Variants in GALNT9 observed in about 807,000 individuals in gnomAD.
GALNT9 encodes the protein GalNAc transferase 9.
A neutral mutation model predicts 63.1 loss-of-function variants in GALNT9; 47 were observed. The observed-to-expected ratio is 0.75, with a 90% CI of 0.59 to 0.95. The LOEUF is 0.95. Ranked by LOEUF, GALNT9 falls within the 40% of genes least tolerant of loss-of-function variation. The pLI is 0.00. For missense variants in GALNT9, 829 were observed against 874.8 expected (o/e 0.95, Z 0.66); for synonymous variants, 396 against 365.7 (o/e 1.08, Z -0.94).
intron 6 of GALNT9, among the ~76,000 whole-genome samples, chr12:132,241,271 G>A (rs1347653551): frequency 2.5e-4 from 9 of 36,612 alleles, no homozygotes; most frequent in African/African-American, 7.7e-4. Context: ...CCTTCCCGGG[G>A]CCCTCCCTAT....
intron 8 of GALNT9, 192 bp downstream of exon 8, chr12:132,200,932 C>T (rs989174728): frequency 1.7e-6 from 1 of 588,324 alleles, no homozygotes; most frequent in Non-Finnish European, 3.0e-6. Flanking sequence ...GATGTGCCTG[C>T]ATCACCGTGA....
At chr12:132,217,175 C>T (rs113521183) in intron 6 of GALNT9, among the ~76,000 whole-genome samples, 3,924 of 152,158 alleles carry the variant, frequency 0.026, 170 homozygotes, top group African/African-American at 0.089. Context: ...TCTATCCACC[C>T]ATCCACGCGG....
chr12:132,305,363 A>G (rs782196364), intron 1 of GALNT9, among the ~76,000 whole-genome samples: 9 of 32,726 alleles, frequency 2.8e-4, no homozygotes, highest in Admixed American at 3.5e-4. Context: ...GCACACCCTC[A>G]CCCGGGCACA....
At position 132,238,646 on chromosome 12, in the gene GALNT9, C is replaced by G. The variant is rs1555236556; in HGVS notation, c.1077+9264G>C. Reference sequence around the variant, plus strand: ...AAGGTGGGCAGGCCTGAGTGTGAGTCTCACATCCATCTGCTGCGTGGCCCT... The same window carrying G: ...AAGGTGGGCAGGCCTGAGTGTGAGTGTCACATCCATCTGCTGCGTGGCCCT... On this transcript the variant is annotated intron_variant, in intron 6 of 10. Transcript: ENST00000328957. This position sits in a 1 kb window ranked among gnomAD's most constrained non-coding sequence, Gnocchi z 6.5. Among the ~76,000 whole-genome samples, 1 of 152,126 alleles carries G rather than the reference C, an allele frequency of 6.6e-6. No individual in the cohort carries two copies. Among genetic ancestry groups the G allele is most frequent in the Admixed American group, 6.5e-5 (1 of 15,284 alleles).
rs2136898430 is a variant in GALNT9, at chr12:132,240,513, C to A, written c.1077+7397G>T. On this transcript the variant is annotated intron_variant, in intron 6 of 10. Transcript: ENST00000328957. ...GACCCCGGGCGGCACTCACTCCAGTCGCTGGCAGTGCTGCTGTGGGCCTGG... is the reference window on the plus strand; with the variant it reads ...GACCCCGGGCGGCACTCACTCCAGTAGCTGGCAGTGCTGCTGTGGGCCTGG... 7 of 428,216 alleles carry A rather than the reference C, an allele frequency of 1.6e-5. No individual in the cohort carries two copies. The East Asian group carries it at 2.1e-4, about 13-fold the overall frequency. 26.5% of individuals were successfully genotyped at this position (428,216 alleles called of 1,614,324 possible).
chr12:132,216,071 G>T (rs954842646), intron 6 of GALNT9, among the ~76,000 whole-genome samples: 1 of 152,058 alleles, frequency 6.6e-6, no homozygotes, highest in Non-Finnish European at 1.5e-5. Context: ...GACATAGAGA[G>T]ACGTAGACAG....
At chr12:132,284,479 AC>A (rs1880509492) in intron 2 of GALNT9, 1 of 152,260 alleles carries the variant, frequency 6.6e-6, no homozygotes, top group South Asian at 2.1e-4. Context: ...CTATTTTAAA[AC>A]TAAATGCATT....
chr12:132,324,763 C>A (rs1167307796), intron 1 of GALNT9, among the ~76,000 whole-genome samples: 5 of 152,062 alleles, frequency 3.3e-5, no homozygotes, highest in Non-Finnish European at 7.4e-5. Flanking sequence ...CCTCTCCATT[C>A]TGGTTCAGCC....
intron 5 of GALNT9, 148 bp downstream of exon 5, chr12:132,257,540 CG>C: frequency 1.6e-4 from 6 of 36,602 alleles, no homozygotes; most frequent in South Asian, 1.3e-3. Context: ...CTCATCCCCA[CG>C]CCCTCGTCCC....
intron 1 of GALNT9, among the ~76,000 whole-genome samples, chr12:132,313,185 C>G (rs1881877223): frequency 7.3e-6 from 1 of 136,898 alleles, no homozygotes; most frequent in Non-Finnish European, 1.6e-5. Flanking sequence ...ACCCACCCAT[C>G]CCTCCATACA....
In GALNT9 at chr12:132,202,765, G is replaced by C. The variant is rs536418984; in HGVS notation, c.1263+740C>G. 7.2e-5 allele frequency among the ~76,000 whole-genome samples: 11 copies of C among 152,274 alleles called. No individual in the cohort carries two copies. In the East Asian group the frequency reaches 1.7e-3, roughly 24 times the overall value. On this transcript the variant is annotated intron_variant, in intron 7 of 10. Transcript: ENST00000328957. ...AGGGGGTGGTTCCAGAGACGCTGGGGTGTGGCGGGATGGGTCGCGGCCACC... is the reference window on the plus strand; with the variant it reads ...AGGGGGTGGTTCCAGAGACGCTGGGCTGTGGCGGGATGGGTCGCGGCCACC...
Position 132,260,912 on chromosome 12 carries a change from G to T in GALNT9, c.761+36C>A, listed in dbSNP as rs1399343325. 4.0e-6 allele frequency: 6 copies of T among 1,488,648 alleles called. No homozygotes were observed. In the South Asian group the frequency reaches 5.3e-5, roughly 13 times the overall value. 92.2% of individuals were successfully genotyped at this position (1,488,648 alleles called of 1,614,324 possible). The stretch of plus-strand genomic sequence containing the variant: ...GGAGGGGGATGGTGGAGGGGGACCC[G>T]CTGAGACTGGCTGTCCAGCCTGTTC... On this transcript the variant is annotated intron_variant, in intron 4 of 10. Transcript: ENST00000328957.
At chr12:132,291,951 C>T (rs936156311) in intron 1 of GALNT9, among the ~76,000 whole-genome samples, 3 of 152,220 alleles carry the variant, frequency 2.0e-5, no homozygotes, top group Non-Finnish European at 4.4e-5. Flanking sequence ...CCCCCAGCCC[C>T]TGCAGCCCTC....
chr12:132,291,144 A>G (rs1228464138), intron 1 of GALNT9, among the ~76,000 whole-genome samples: 16 of 38,912 alleles, frequency 4.1e-4, no homozygotes, highest in African/African-American at 2.8e-4. Context: ...CAGCACCCAC[A>G]ACCACAGCAC....
intron 2 of GALNT9, chr12:132,275,261 G>A (rs564069033): frequency 2.0e-4 from 30 of 152,468 alleles, no homozygotes; most frequent in African/African-American, 7.2e-4. Context: ...AAGTAGCTGG[G>A]TGGAGTTCCA....
intron 6 of GALNT9, among the ~76,000 whole-genome samples, chr12:132,219,836 G>A (rs1282876987): frequency 2.0e-5 from 3 of 149,862 alleles, no homozygotes; most frequent in Middle Eastern, 3.4e-3. Flanking sequence ...AGGGGAAGGG[G>A]CACCTCCCCA....
intron 1 of GALNT9, among the ~76,000 whole-genome samples, chr12:132,324,771 G>A (rs1451874004): frequency 3.3e-5 from 5 of 151,544 alleles, no homozygotes; most frequent in African/African-American, 1.2e-4. Context: ...TTCTGGTTCA[G>A]CCAGGTCTTC....
intron 1 of GALNT9, among the ~76,000 whole-genome samples, chr12:132,309,791 C>T (rs797024541): frequency 3.3e-5 from 5 of 152,342 alleles, no homozygotes; most frequent in African/African-American, 1.2e-4. Flanking sequence ...TACAGCAGCA[C>T]CAAGAATCGC....
intron 2 of GALNT9, among the ~76,000 whole-genome samples, chr12:132,263,654 G>A (rs1206170922): frequency 8.5e-5 from 13 of 152,202 alleles, no homozygotes; most frequent in African/African-American, 3.1e-4. Context: ...CGCCCTGACA[G>A]CAAGCTCCTT....
Sources: allele counts gnomAD v4.1 joint callset (sites outside exome capture counted in the v4.1 genomes callset), GRCh38; gene constraint gnomAD v4.1.1; non-coding constraint Gnocchi (gnomAD v3.1); transcripts MANE v1.5; gene names NCBI Gene and HGNC (gene_info 2026-07-23, HGNC 2026-07-21).